Variants in SPRED1 observed in about 807,000 individuals in gnomAD.
SPRED1 encodes sprouty-related, EVH1 domain-containing protein 1.
Under a neutral mutation model 52.3 loss-of-function variants are expected in SPRED1, and 18 were observed. The observed-to-expected ratio is 0.34, with a 90% confidence interval of 0.24 to 0.51. The LOEUF is 0.51. Among genes scored for constraint, SPRED1 ranks in the 20% least tolerant of loss-of-function variants. The probability of loss-of-function intolerance (pLI) is 0.97; values close to 1 mark genes in which losing one functional copy is unlikely to be tolerated. For missense variants in SPRED1, 485 were observed against 551.0 expected, an observed-to-expected ratio of 0.88 and a Z score of 1.20; for synonymous variants, 155 against 179.7, an observed-to-expected ratio of 0.86 and a Z score of 1.10.
intron 4 of SPRED1, among the ~76,000 whole-genome samples, chr15:38,337,167 A>G (rs1160275554): frequency 6.6e-6 from 1 of 152,190 alleles, no homozygotes; most frequent in Non-Finnish European, 1.5e-5. Context: ...CTGTGTGTGT[A>G]GAATTAGCAA....
At chr15:38,331,404 T>G (rs1439443199) in intron 4 of SPRED1, among the ~76,000 whole-genome samples, 4 of 152,118 alleles carry the variant, frequency 2.6e-5, no homozygotes, top group African/African-American at 9.7e-5. Flanking sequence ...ATGTTCATGT[T>G]TCCATAGTAA....
At chr15:38,307,074 A>G (rs561776395) in intron 2 of SPRED1, among the ~76,000 whole-genome samples, 59 of 152,310 alleles carry the variant, frequency 3.9e-4, no homozygotes, top group Middle Eastern at 6.8e-3. Context: ...AGCCTCTATC[A>G]TAGCTAAATT....
chr15:38,271,963 A>G (rs1894444179), intron 1 of SPRED1, among the ~76,000 whole-genome samples: 1 of 152,110 alleles, frequency 6.6e-6, no homozygotes, highest in Non-Finnish European at 1.5e-5. Context: ...TATGTCCAGG[A>G]GTACCCAATA....
At chr15:38,321,138 TA>T (rs1174443819) in intron 2 of SPRED1, among the ~76,000 whole-genome samples, 3 of 152,158 alleles carry the variant, frequency 2.0e-5, no homozygotes, top group Admixed American at 6.5e-5. Context: ...TAAAGAGCAG[TA>T]GAACATAATA....
chr15:38,294,031 G>A (rs774691974), intron 1 of SPRED1, among the ~76,000 whole-genome samples: 13 of 152,028 alleles, frequency 8.6e-5, no homozygotes, highest in Non-Finnish European at 1.6e-4. Flanking sequence ...TGAATCTCAT[G>A]GGTTAAGTGA....
chr15:38,323,100 T>G (rs2140995431), intron 3 of SPRED1, among the ~76,000 whole-genome samples: 1 of 152,256 alleles, frequency 6.6e-6, no homozygotes, highest in Non-Finnish European at 1.5e-5. Context: ...TCAATTTAAC[T>G]AACTTTCTAT....
At chr15:38,296,844 G>A (rs1409648125) in intron 1 of SPRED1, among the ~76,000 whole-genome samples, 2 of 152,166 alleles carry the variant, frequency 1.3e-5, no homozygotes, top group African/African-American at 4.8e-5. Context: ...GTTAGGAGGT[G>A]CGGCCTTTTG....
intron 1 of SPRED1, among the ~76,000 whole-genome samples, chr15:38,277,283 C>T (rs1170961624): frequency 2.0e-5 from 3 of 152,168 alleles, no homozygotes; most frequent in Non-Finnish European, 4.4e-5. Flanking sequence ...CTCCCACCCT[C>T]AAGTAGGCCC....
chr15:38,317,571 T>C (rs1167709964), intron 2 of SPRED1, among the ~76,000 whole-genome samples: 6 of 152,032 alleles, frequency 3.9e-5, no homozygotes, highest in Admixed American at 3.3e-4. Flanking sequence ...TTGTTACTAA[T>C]ATTACTATTA....
At chr15:38,254,031 G>A (rs1287395533) in intron 1 of SPRED1, among the ~76,000 whole-genome samples, 1 of 152,122 alleles carries the variant, frequency 6.6e-6, no homozygotes, top group Admixed American at 6.5e-5. Flanking sequence ...CTTTCCAAAC[G>A]AAATACTTCG....
At chr15:38,307,579 C>T (rs950096957) in intron 2 of SPRED1, among the ~76,000 whole-genome samples, 2 of 152,140 alleles carry the variant, frequency 1.3e-5, no homozygotes, top group Admixed American at 6.5e-5. Context: ...AATGTAGTCA[C>T]CATGGATATT....
chr15:38,350,821 C>T (rs1888466882), intron 6 of SPRED1, among the ~76,000 whole-genome samples, 193 bp from the exon 7 acceptor site: 2 of 152,116 alleles, frequency 1.3e-5, no homozygotes, highest in Non-Finnish European at 2.9e-5. Context: ...TTTATGAGGT[C>T]CGCCTATACC....
intron 4 of SPRED1, among the ~76,000 whole-genome samples, chr15:38,325,140 C>G (rs774729396): frequency 2.6e-5 from 4 of 151,928 alleles, no homozygotes; most frequent in African/African-American, 4.8e-5. Context: ...GCCCCAAAAT[C>G]CGAAACTTTT....
Position 38,253,136 on chromosome 15 carries a change from C to G in SPRED1, c.-50C>G, listed in dbSNP as rs1369598326. On this transcript the variant is annotated 5_prime_UTR_variant, in exon 1 of 7. Coordinates refer to ENST00000299084, the MANE Select transcript of SPRED1 (RefSeq NM_152594.3). ...GCCCCTCGGTGCTGCTGTTGCTCCC[C>G]CGCCTGCTGTTGCTCCTCCATCTCC... 6.4e-7 allele frequency: 1 copy of G among 1,552,196 alleles called. No individual in the cohort carries two copies. The highest frequency in any genetic ancestry group is 1.2e-5 in the South Asian group (1 of 84,488).
chr15:38,280,454 A>G (rs1405036435), intron 1 of SPRED1, among the ~76,000 whole-genome samples: 1 of 152,172 alleles, frequency 6.6e-6, no homozygotes, highest in African/African-American at 2.4e-5. Context: ...GGTACAGAAA[A>G]GATAACCTTA....
intron 4 of SPRED1, chr15:38,326,030 A>G (rs1895704580): frequency 6.6e-6 from 1 of 152,238 alleles, no homozygotes; most frequent in African/African-American, 2.4e-5. Flanking sequence ...TCAGACAGTA[A>G]ATAAAAGCTG....
chr15:38,313,196 A>G (rs1202379303), intron 2 of SPRED1, among the ~76,000 whole-genome samples: 1 of 152,058 alleles, frequency 6.6e-6, no homozygotes, highest in African/African-American at 2.4e-5. Flanking sequence ...ACAGTCTTTA[A>G]TCTACAGTCC....
intron 1 of SPRED1, among the ~76,000 whole-genome samples, chr15:38,254,982 A>T (rs1050404515): frequency 6.6e-6 from 1 of 152,232 alleles, no homozygotes; most frequent in Non-Finnish European, 1.5e-5. Flanking sequence ...AAGACTTCTT[A>T]CCAGTTTAAT....
intron 5 of SPRED1, among the ~76,000 whole-genome samples, chr15:38,341,395 TG>T (rs1261147427): frequency 2.6e-5 from 4 of 151,614 alleles, no homozygotes; most frequent in Non-Finnish European, 5.9e-5. Flanking sequence ...AGTTTCTTGA[TG>T]TTTTTTTCAG....
Sources: allele counts gnomAD v4.1 joint callset (sites outside exome capture counted in the v4.1 genomes callset), GRCh38; gene constraint gnomAD v4.1.1; transcripts MANE v1.5; gene names NCBI Gene and HGNC (gene_info 2026-07-23, HGNC 2026-07-21).